The following DAB1 variants were observed in gnomAD, a reference collection of about 807,000 sequenced individuals.
DAB1 encodes the protein disabled homolog 1.
DAB1 carries 15 observed loss-of-function variants against 64.6 expected under a neutral mutation model. The ratio of observed to expected loss-of-function variants is 0.23; its 90% CI spans 0.16 to 0.36. The LOEUF is 0.36. Ranked by LOEUF, DAB1 falls within the 10% of genes least tolerant of loss-of-function variation. DAB1 has a pLI of 1.00. For missense variants in DAB1, 596 were observed against 706.7 expected (o/e 0.84, Z 1.78); for synonymous variants, 235 against 251.9 (o/e 0.93, Z 0.64).
At chr1:58,320,626 G>A (rs1391504204) in intron 4 of DAB1, among the ~76,000 whole-genome samples, 1 of 152,152 alleles carries the variant, frequency 6.6e-6, no homozygotes, top group Non-Finnish European at 1.5e-5. Context: ...GAATGAGACT[G>A]AGAAAAAGAA....
chr1:58,487,165 T>C (rs1645590319), intron 3 of DAB1, among the ~76,000 whole-genome samples: 1 of 152,184 alleles, frequency 6.6e-6, no homozygotes, highest in Non-Finnish European at 1.5e-5. Context: ...TGACTTTTAC[T>C]AGGAAAGGAG....
intron 4 of DAB1, among the ~76,000 whole-genome samples, chr1:58,270,344 G>A (rs546555211): frequency 1.7e-3 from 245 of 147,484 alleles, no homozygotes; most frequent in African/African-American, 5.8e-3. Context: ...GATATGCGGC[G>A]TTATTTCTGA....
intron 5 of DAB1, among the ~76,000 whole-genome samples, chr1:57,969,365 T>C (rs996307485): frequency 2.0e-5 from 3 of 152,138 alleles, no homozygotes; most frequent in East Asian, 3.9e-4. Flanking sequence ...TTTTTTGAGA[T>C]AGGATCTCAC....
At chr1:58,454,437 C>T (rs932574905) in intron 3 of DAB1, among the ~76,000 whole-genome samples, 3 of 152,098 alleles carry the variant, frequency 2.0e-5, no homozygotes, top group Admixed American at 2.0e-4. Flanking sequence ...TAGAGCCAGA[C>T]GCTTGCAGGA....
intron 3 of DAB1, among the ~76,000 whole-genome samples, chr1:58,373,508 T>C (rs1644290777): frequency 1.3e-5 from 2 of 151,498 alleles, no homozygotes; most frequent in Non-Finnish European, 2.9e-5. Context: ...GAACTCATCA[T>C]TTCTTACGGC....
intron 5 of DAB1, among the ~76,000 whole-genome samples, chr1:58,139,291 G>A (rs903256230): frequency 6.6e-6 from 1 of 152,126 alleles, no homozygotes; most frequent in Admixed American, 6.6e-5. Flanking sequence ...GATGTTTACT[G>A]TATTCGTCCA....
intron 2 of DAB1, among the ~76,000 whole-genome samples, chr1:58,524,256 C>T (rs2100459276): frequency 6.6e-6 from 1 of 152,324 alleles, no homozygotes; most frequent in African/African-American, 2.4e-5. Context: ...GGCAGCTATT[C>T]TTTCTCCTTA....
chr1:57,867,679 T>G (rs1654367245), intron 1 of DAB1, among the ~76,000 whole-genome samples: 1 of 152,084 alleles, frequency 6.6e-6, no homozygotes, highest in Non-Finnish European at 1.5e-5. Flanking sequence ...GGGCTCTCCA[T>G]TTTTCTAGAT....
At chr1:57,797,227 G>C (rs924979120) in intron 6 of DAB1, among the ~76,000 whole-genome samples, 4 of 152,158 alleles carry the variant, frequency 2.6e-5, no homozygotes, top group African/African-American at 9.7e-5. Context: ...ACTTTCTTCT[G>C]AATTAGATCC....
intron 3 of DAB1, among the ~76,000 whole-genome samples, chr1:58,343,660 C>T (rs538544617): frequency 5.3e-5 from 8 of 152,330 alleles, no homozygotes; most frequent in African/African-American, 1.7e-4. Flanking sequence ...ACATTGCCAG[C>T]GGCATAGGCT....
chr1:57,032,855 T>C (rs1052335087), intron 9 of DAB1, among the ~76,000 whole-genome samples: 4 of 152,234 alleles, frequency 2.6e-5, no homozygotes, highest in African/African-American at 9.6e-5. Context: ...AATATATTTA[T>C]ACCAGGTTAT....
At chr1:57,769,897 C>T (rs1174503222) in intron 6 of DAB1, among the ~76,000 whole-genome samples, 2 of 152,110 alleles carry the variant, frequency 1.3e-5, no homozygotes, top group East Asian at 3.9e-4. Context: ...TGAACCTTTG[C>T]TCCTCTGTGA....
chr1:57,670,061 A>G (rs990535658), intron 6 of DAB1, among the ~76,000 whole-genome samples: 2 of 152,170 alleles, frequency 1.3e-5, no homozygotes, highest in African/African-American at 4.8e-5. Context: ...CTGTATATTT[A>G]TTTCACAGTT....
At position 58,372,528 on chromosome 1, in the gene DAB1, GGA is replaced by G. The variant is rs373959185; in HGVS notation, n.258-29127_258-29126del. 7.2e-3 allele frequency among the ~76,000 whole-genome samples: 1,092 copies of G among 152,224 alleles called. 12 individuals are homozygous for G. Among genetic ancestry groups the G allele is most frequent in the African/African-American group, 0.026 (1,064 of 41,542 alleles). On this transcript the variant is annotated intron_variant and non_coding_transcript_variant, in intron 3 of 20. Transcript: ENST00000485760. ...ACTGCTGGAATGAGTTAAAAATTTG[GGA>G]GACTGTTAGGAAGGCATGATTGGTT...
intron 1 of DAB1, among the ~76,000 whole-genome samples, chr1:57,874,547 T>C (rs758176933): frequency 3.3e-5 from 5 of 151,888 alleles, no homozygotes; most frequent in African/African-American, 4.8e-5. Context: ...AGCAGGTGAG[T>C]AGAATGAAGC....
In DAB1 at chr1:57,421,327, A is replaced by G. The variant is rs115680045; in HGVS notation, c.-137+2603T>C. On this transcript the variant is annotated intron_variant, in intron 1 of 14. Transcript: ENST00000371236. ...CATCAACAATAAGTAATTTTTATTC[A>G]GATTTTATCGTTGAATACAATGAAC... Among the ~76,000 whole-genome samples the G allele has an allele frequency of 4.7e-3, 721 of 152,376 alleles. 4 individuals are homozygous for G. Among genetic ancestry groups the G allele is most frequent in the African/African-American group, 0.011 (457 of 41,592 alleles).
At chr1:57,175,587 C>T (rs1662224469) in intron 2 of DAB1, among the ~76,000 whole-genome samples, 1 of 152,174 alleles carries the variant, frequency 6.6e-6, no homozygotes, top group Non-Finnish European at 1.5e-5. Flanking sequence ...TAGGATGTAG[C>T]TCCTTGGTGA....
At chr1:58,342,570 T>C (rs1643952336) in intron 4 of DAB1, among the ~76,000 whole-genome samples, 1 of 152,216 alleles carries the variant, frequency 6.6e-6, no homozygotes. Context: ...AACTGATCAC[T>C]GGACATTTCC....
intron 1 of DAB1, among the ~76,000 whole-genome samples, chr1:57,847,414 A>G (rs1364989786): frequency 6.7e-6 from 1 of 149,012 alleles, no homozygotes; most frequent in Non-Finnish European, 1.5e-5. Flanking sequence ...ATCAGTTATG[A>G]CAGTAAATAT....
Sources: allele counts gnomAD v4.1 joint callset (sites outside exome capture counted in the v4.1 genomes callset), GRCh38; gene constraint gnomAD v4.1.1; transcripts MANE v1.5; gene names NCBI Gene and HGNC (gene_info 2026-07-23, HGNC 2026-07-21).